Variants in CAMTA1 observed in about 807,000 individuals in gnomAD.
The protein encoded by CAMTA1 is calmodulin binding transcription activator 1.
Under a neutral mutation model 170.9 loss-of-function variants are expected in CAMTA1, and 27 were observed. That is an observed-to-expected ratio of 0.16 (90% CI 0.12 to 0.22). The LOEUF (loss-of-function observed/expected upper bound fraction) is 0.22, where lower values mean the gene tolerates loss of function less well. Among genes scored for constraint, CAMTA1 ranks in the 10% least tolerant of loss-of-function variants. The probability of loss-of-function intolerance (pLI) is 1.00; values close to 1 mark genes in which losing one functional copy is unlikely to be tolerated. For missense variants in CAMTA1, 1,619 were observed against 2,217.2 expected (o/e 0.73, Z 5.42); for synonymous variants, 833 against 891.5 (o/e 0.93, Z 1.17).
chr1:6,819,269 T>C (rs1246782892), intron 1 of CAMTA1, among the ~76,000 whole-genome samples: 1 of 152,022 alleles, frequency 6.6e-6, no homozygotes, highest in South Asian at 2.1e-4. Flanking sequence ...TTTTTAGGAC[T>C]GAAAATAATT....
intron 2 of CAMTA1, among the ~76,000 whole-genome samples, chr1:6,824,423 AT>A (rs1431171264): frequency 6.6e-6 from 1 of 152,120 alleles, no homozygotes; most frequent in Non-Finnish European, 1.5e-5. Context: ...GAAAGTAATT[AT>A]TTTTTCTCTA....
chr1:6,852,966 G>C (rs1570940702), intron 3 of CAMTA1: 1 of 152,244 alleles, frequency 6.6e-6, no homozygotes, highest in Non-Finnish European at 1.5e-5. Context: ...ACTCAGGTAT[G>C]TCTGCTCTTC....
intron 3 of CAMTA1, among the ~76,000 whole-genome samples, chr1:7,033,711 A>G (rs1703134964): frequency 6.8e-6 from 1 of 147,042 alleles, no homozygotes; most frequent in African/African-American, 2.5e-5. Flanking sequence ...CTCCTGCCTC[A>G]GCCTCCTGAG....
In CAMTA1 at chr1:7,660,666, C is replaced by T. The variant is rs115052575; in HGVS notation, c.665-1060C>T. Reference sequence around the variant, plus strand: ...CTTCACAGAACTGGGGCCAGTGCTGCGAGGGTTAGCGGCTGTCCCCCTGGA... The same window carrying T: ...CTTCACAGAACTGGGGCCAGTGCTGTGAGGGTTAGCGGCTGTCCCCCTGGA... On this transcript the variant is annotated intron_variant, in intron 7 of 22. Transcript: ENST00000303635. 8.4e-3 allele frequency among the ~76,000 whole-genome samples: 1,285 copies of T among 152,318 alleles called. 19 individuals are homozygous for T. Among genetic ancestry groups the T allele is most frequent in the African/African-American group, 0.03 (1,227 of 41,568 alleles).
rs1222816506 is a variant in CAMTA1, at chr1:7,705,295, C to G, written c.2915-27153C>G. On this transcript the variant is annotated intron_variant, in intron 11 of 22. Coordinates refer to ENST00000303635, the MANE Select transcript of CAMTA1 (RefSeq NM_015215.4). ...GTGGGAGACACGCGTGTCCATGCCG[C>G]GAGGGTGTGTCGACGCCCGAGCCTG... Among the ~76,000 whole-genome samples, 9 of 148,340 alleles carry G rather than the reference C, an allele frequency of 6.1e-5. No homozygotes were observed. In the South Asian group the frequency reaches 1.7e-3, roughly 28 times the overall value.
intron 5 of CAMTA1, among the ~76,000 whole-genome samples, chr1:7,259,112 C>T (rs1183643820): frequency 2.0e-5 from 3 of 152,166 alleles, no homozygotes; most frequent in African/African-American, 7.2e-5. Flanking sequence ...GCTCCGGCCC[C>T]TTGTTTCCTT....
chr1:7,237,687 A>C (rs1664136189), intron 4 of CAMTA1, among the ~76,000 whole-genome samples: 1 of 152,140 alleles, frequency 6.6e-6, no homozygotes, highest in Admixed American at 6.5e-5. Context: ...TCTTTTATCT[A>C]CCTAATTTGA....
Position 7,664,188 on chromosome 1 carries a change from G to A in CAMTA1, c.1641G>A (p.Ala547=), listed in dbSNP as rs767621421. The part of the protein sequence containing the change: ...TSFEQQMAKE[A]YSSSAAAVAA... ...TCGAGCAGCAGATGGCCAAAGAAGC[G>A]TACTCCTCCTCCGCGGCGGCTGTGG... The change falls in exon 9 of 23, where the codon GCG becomes GCA. Residue 547 remains alanine, a synonymous_variant. Coordinates refer to ENST00000303635, the MANE Select transcript of CAMTA1 (RefSeq NM_015215.4). 1.2e-5 allele frequency: 19 copies of A among 1,612,654 alleles called. No individual in the cohort carries two copies. In the South Asian group the frequency reaches 1.4e-4, roughly 12 times the overall value.
At chr1:7,683,388 G>A (rs774831422) in intron 11 of CAMTA1, among the ~76,000 whole-genome samples, 1 of 152,064 alleles carries the variant, frequency 6.6e-6, no homozygotes, top group South Asian at 2.1e-4. Flanking sequence ...GACAGTATGG[G>A]TGAATGGTCT....
At chr1:7,438,295 T>A (rs1470720969) in intron 5 of CAMTA1, among the ~76,000 whole-genome samples, 1 of 151,942 alleles carries the variant, frequency 6.6e-6, no homozygotes, top group Non-Finnish European at 1.5e-5. Flanking sequence ...GGGTGGAGCA[T>A]GGTGGAGAAG....
chr1:6,953,694 T>C (rs189771657), intron 3 of CAMTA1, among the ~76,000 whole-genome samples: 194 of 152,348 alleles, frequency 1.3e-3, no homozygotes, highest in African/African-American at 4.3e-3. Flanking sequence ...AACCCAAGGG[T>C]ATGAAAGTCA....
intron 5 of CAMTA1, among the ~76,000 whole-genome samples, chr1:7,421,824 A>ACCTATGTCTCTT (rs6143106): frequency 2.6e-5 from 4 of 152,072 alleles, no homozygotes; most frequent in East Asian, 1.9e-4. Flanking sequence ...GACAGAGGGG[A>ACCTATGTCTCTT]CCATACCCTC....
At chr1:7,386,984 C>G (rs2088078791) in intron 5 of CAMTA1, among the ~76,000 whole-genome samples, 1 of 152,102 alleles carries the variant, frequency 6.6e-6, no homozygotes, top group South Asian at 2.1e-4. Context: ...TCTTATGTTC[C>G]TAACTGTTTG....
At chr1:6,793,748 G>GA (rs995434988) in intron 1 of CAMTA1, among the ~76,000 whole-genome samples, 6 of 151,964 alleles carry the variant, frequency 3.9e-5, no homozygotes, top group South Asian at 2.1e-4. Context: ...TACAAGTTTT[G>GA]AAAAAAAGTT....
rs1673530707 is a variant in CAMTA1 at position 7,293,886 on chromosome 1, A to C, written c.438+44260A>C. On this transcript the variant is annotated intron_variant, in intron 5 of 22. Coordinates refer to ENST00000303635, the MANE Select transcript of CAMTA1 (RefSeq NM_015215.4). This position sits in a 1 kb window ranked among gnomAD's most constrained non-coding sequence, Gnocchi z 4.1. ...TGGAGCCTGTTGGAGGAGATTTTGTAGTAATGAGCATTTGGCTTTTGTAAT... is the reference window on the plus strand; with the variant it reads ...TGGAGCCTGTTGGAGGAGATTTTGTCGTAATGAGCATTTGGCTTTTGTAAT... 6.6e-6 allele frequency among the ~76,000 whole-genome samples: 1 copy of C among 152,200 alleles called. No homozygotes were observed. The highest frequency in any genetic ancestry group is 2.4e-5 in the African/African-American group (1 of 41,442).
chr1:6,907,633 C>T (rs1374828985), intron 3 of CAMTA1, among the ~76,000 whole-genome samples: 1 of 152,188 alleles, frequency 6.6e-6, no homozygotes, highest in East Asian at 1.9e-4. Context: ...ATAGTCTCTT[C>T]CCAGTAAGAC....
rs201500847 is a variant in CAMTA1, at chr1:6,997,656, C to CTTTTTTTTTT, written c.235-93645_235-93644insTTTTTTTTTT. Among the ~76,000 whole-genome samples, 397 of 128,218 alleles carry CTTTTTTTTTT rather than the reference C, an allele frequency of 3.1e-3. 11 individuals carry two copies. Among genetic ancestry groups the CTTTTTTTTTT allele is most frequent in the African/African-American group, 4.8e-3 (145 of 30,352 alleles). The allele number at this position is 128,218 out of a possible 152,430, so 84.1% of individuals were successfully genotyped here. ...CTGTTTTCCATATTTCCTTTCTTTT[C>CTTTTTTTTTT]TTTCTTTTTTTTTTTTTTTTTGAGA... On this transcript the variant is annotated intron_variant, in intron 3 of 22. Coordinates refer to ENST00000303635, the MANE Select transcript of CAMTA1 (RefSeq NM_015215.4).
At chr1:7,730,840 A>G (rs1418165401) in intron 11 of CAMTA1, among the ~76,000 whole-genome samples, 1 of 152,084 alleles carries the variant, frequency 6.6e-6, no homozygotes, top group African/African-American at 2.4e-5. Context: ...CGGAGGTTGC[A>G]GTGAGCCAAG....
At chr1:6,960,162 G>A (rs1690123239) in intron 3 of CAMTA1, among the ~76,000 whole-genome samples, 2 of 152,204 alleles carry the variant, frequency 1.3e-5, no homozygotes, top group South Asian at 2.1e-4. Flanking sequence ...TATAAAGGTA[G>A]GATGTAATTT....
Sources: gnomAD v4.1 joint callset for allele counts (sites outside exome capture counted in the v4.1 genomes callset) on GRCh38, gnomAD v4.1.1 for gene constraint, Gnocchi (gnomAD v3.1) non-coding constraint, MANE v1.5 for transcripts, NCBI Gene and HGNC (gene_info 2026-07-23, HGNC 2026-07-21) for gene names.